Variants in TATDN3 observed in about 807,000 individuals in gnomAD.
The protein encoded by TATDN3 is deoxyribonuclease TATDN3.
In TATDN3, 29 loss-of-function variants were observed where a neutral mutation model predicts 40.1. The observed-to-expected ratio is 0.72, with a 90% CI of 0.54 to 0.99. The LOEUF (loss-of-function observed/expected upper bound fraction) is 0.99, where lower values mean the gene tolerates loss of function less well. TATDN3 is among the 50% of genes least tolerant of loss of function. The probability of loss-of-function intolerance (pLI) is 0.00; values close to 1 mark genes in which losing one functional copy is unlikely to be tolerated. For synonymous variants in TATDN3, 105 were observed against 117.0 expected, an observed-to-expected ratio of 0.90 and a Z score of 0.66; for missense variants, 309 against 321.9, an observed-to-expected ratio of 0.96 and a Z score of 0.31.
intron 4 of TATDN3, among the ~76,000 whole-genome samples, chr1:212,802,451 G>GT (rs1228738013): frequency 1.3e-4 from 20 of 152,198 alleles, no homozygotes; most frequent in African/African-American, 4.3e-4. Context: ...AGAAGGCCAT[G>GT]TTTAAGTGGC....
At chr1:212,804,561 T>C in intron 6 of TATDN3, 35 bp from the exon 7 acceptor site, 1 of 1,601,836 alleles carries the variant, frequency 6.2e-7, no homozygotes, top group African/African-American at 1.3e-5. Flanking sequence ...ACTTTCAGAA[T>C]GGTACTTAAA....
chr1:212,796,522 T>A lies in TATDN3; in HGVS notation c.105T>A (p.Asn35Lys). ...DDVLEKAKKA[N>K]VVALVAVAEH... ...ATTCTTTTTTTTTTTTTCAGGCCAA[T>A]GTTGTGGCCCTTGTGGCAGTTGCCG... Residue 35 changes from asparagine (N) to lysine (K), a missense_variant, in exon 3 of 10, where the codon AAT (asparagine) becomes AAA (lysine). By Grantham distance (94) the Asn-to-Lys change is moderately conservative. Transcript: ENST00000366974. The A allele has an allele frequency of 1.3e-6, 2 of 1,522,344 alleles. No homozygotes were observed. Among genetic ancestry groups the A allele is most frequent in the Non-Finnish European group, 1.8e-6 (2 of 1,140,032 alleles). 94.3% of individuals were successfully genotyped at this position (1,522,344 alleles called of 1,614,324 possible).
At chr1:212,807,580 CTT>C (rs1353568366) in intron 7 of TATDN3, among the ~76,000 whole-genome samples, 154 bp from the exon 8 acceptor site, 2 of 152,236 alleles carry the variant, frequency 1.3e-5, no homozygotes, top group East Asian at 3.9e-4. Flanking sequence ...TTATTCCACT[CTT>C]TGAACACCGT....
At position 212,807,790 on chromosome 1, in the gene TATDN3, A is replaced by G. The variant is rs766107661; in HGVS notation, c.542A>G (p.Glu181Gly). 6.2e-7 allele frequency: 1 copy of G among 1,613,802 alleles called. No homozygotes were observed. Among genetic ancestry groups the G allele is most frequent in the East Asian group, 2.2e-5 (1 of 44,868 alleles). The change falls in exon 8 of 10, where the codon GAA (glutamate) becomes GGA (glycine). Residue 181 changes from glutamate to glycine, a missense_variant. Transcript: ENST00000366974. ...GATGGTCGGCCATCTGTAGCCATGG[A>G]AGGAGTAAGAGCTGGGTACTTCTTC... ...AFDGRPSVAM[E>G]GVRAGYFFSI...
intron 3 of TATDN3, 84 bp downstream of exon 3, chr1:212,796,674 T>G: frequency 1.0e-6 from 1 of 980,666 alleles, no homozygotes; most frequent in Non-Finnish European, 1.5e-6. Context: ...AGATCCATTT[T>G]TAAAGAGAAT....
At chr1:212,814,853 C>G (rs1353469411) in intron 9 of TATDN3, among the ~76,000 whole-genome samples, 160 bp from the exon 10 acceptor site, 1 of 152,094 alleles carries the variant, frequency 6.6e-6, no homozygotes, top group Non-Finnish European at 1.5e-5. Flanking sequence ...AACATTGCAG[C>G]CACACCTCCC....
At chr1:212,796,380 CAAT>C in intron 2 of TATDN3, 134 bp from the exon 3 acceptor site, 1 of 570,006 alleles carries the variant, frequency 1.8e-6, no homozygotes, top group Non-Finnish European at 2.9e-6. Context: ...AGTAAATACT[CAAT>C]GATAGCCCTT....
chr1:212,815,438 C>A lies in TATDN3; in HGVS notation c.*282C>A. 1 of 279,776 alleles carries A rather than the reference C, an allele frequency of 3.6e-6. No individual in the cohort carries two copies. Among genetic ancestry groups the A allele is most frequent in the Non-Finnish European group, 6.7e-6 (1 of 149,040 alleles). 17.3% of individuals were successfully genotyped at this position (279,776 alleles called of 1,614,324 possible). A position where few individuals can be genotyped will look rare whatever the true frequency, so the allele number is the denominator to read the frequency against. On this transcript the variant is annotated 3_prime_UTR_variant, in exon 10 of 10. Transcript: ENST00000366974. ...TTGCCCTTTTATATAGAACCACCAC[C>A]TGAACTGAAACCATTGCTACTGGGA... is the stretch of plus-strand genomic sequence containing the variant.
In TATDN3 at chr1:212,804,428, G is replaced by C. The variant is rs766704270; in HGVS notation, c.430G>C (p.Val144Leu). The C allele has an allele frequency of 6.2e-7, 1 of 1,611,096 alleles. No homozygotes were observed. Among genetic ancestry groups the C allele is most frequent in the African/African-American group, 1.3e-5 (1 of 74,864 alleles). Reference protein sequence around the residue: ...IQLAKRLNLPVNVHSRSAGRP... With the variant: ...IQLAKRLNLPLNVHSRSAGRP... ...GTTAGCCAAAAGACTAAATTTGCCT[G>C]TGTAGGTTAATTATTTTCCTATGTT... Residue 144 changes from valine (V) to leucine (L), a missense_variant and splice_region_variant, in exon 6 of 10, where the codon GTA (valine) becomes CTA (leucine). Transcript: ENST00000366974.
chr1:212,812,007 G>A (rs1662915928), intron 8 of TATDN3, among the ~76,000 whole-genome samples: 1 of 151,636 alleles, frequency 6.6e-6, no homozygotes, highest in Non-Finnish European at 1.5e-5. Context: ...GGCAATTTTT[G>A]TATTTTTAGC....
chr1:212,798,132 C>T (rs1661906901), intron 4 of TATDN3, among the ~76,000 whole-genome samples: 1 of 152,048 alleles, frequency 6.6e-6, no homozygotes, highest in African/African-American at 2.4e-5. Flanking sequence ...TGAGACCTTC[C>T]TGGCTAACAT....
In TATDN3 at chr1:212,816,280, G is replaced by A. The variant is rs1405810073; in HGVS notation, c.*1124G>A. On this transcript the variant is annotated 3_prime_UTR_variant, in exon 10 of 10. Coordinates refer to ENST00000366974, the MANE Select transcript of TATDN3 (RefSeq NM_001042552.3). ...ACCTTTTAAGCCTGAGTTTGAGTCA[G>A]GCCTGGGCAACATAGATGTGAGCAC... 1 of 152,104 alleles carries A rather than the reference G, an allele frequency of 6.6e-6. No homozygotes were observed. Among genetic ancestry groups the A allele is most frequent in the East Asian group, 1.9e-4 (1 of 5,194 alleles). 9.4% of individuals were successfully genotyped at this position (152,104 alleles called of 1,614,324 possible). A position where few individuals can be genotyped will look rare whatever the true frequency, so the allele number is the denominator to read the frequency against.
chr1:212,804,058 G>A (rs1297580590), intron 5 of TATDN3, among the ~76,000 whole-genome samples: 1 of 151,836 alleles, frequency 6.6e-6, no homozygotes, highest in Non-Finnish European at 1.5e-5. Flanking sequence ...AAAAAAAAAG[G>A]AATATAAAAT....
intron 1 of TATDN3, among the ~76,000 whole-genome samples, chr1:212,792,473 C>CAA (rs571045425): frequency 0.055 from 6,612 of 120,310 alleles, 589 homozygotes; most frequent in African/African-American, 0.19. Flanking sequence ...CTCGTCCCTA[C>CAA]AAAAAAAAAA....
At chr1:212,794,813 G>T in intron 1 of TATDN3, 1 of 567,282 alleles carries the variant, frequency 1.8e-6, no homozygotes, top group Non-Finnish European at 3.3e-6. Context: ...AAGCAAGTGA[G>T]GGATTCCGAA....
chr1:212,802,054 A>G (rs1189369081), intron 4 of TATDN3, among the ~76,000 whole-genome samples: 5 of 152,336 alleles, frequency 3.3e-5, no homozygotes, highest in South Asian at 2.1e-4. Flanking sequence ...GCAATTTTCC[A>G]TATATTTATT....
chr1:212,800,229 A>G (rs1662085567), intron 4 of TATDN3, among the ~76,000 whole-genome samples: 1 of 152,216 alleles, frequency 6.6e-6, no homozygotes, highest in Non-Finnish European at 1.5e-5. Flanking sequence ...ACTGTGGTGA[A>G]CAAATGATGC....
intron 1 of TATDN3, 74 bp downstream of exon 1, chr1:212,792,061 C>G: frequency 6.7e-7 from 1 of 1,488,210 alleles, no homozygotes; most frequent in Middle Eastern, 1.7e-4. Context: ...TCTTTGCTCT[C>G]CTCCCTTGGG....
intron 7 of TATDN3, among the ~76,000 whole-genome samples, chr1:212,807,197 G>A (rs1487843528): frequency 6.7e-6 from 1 of 150,220 alleles, no homozygotes; most frequent in Non-Finnish European, 1.5e-5. Flanking sequence ...CGCCCACCTC[G>A]GCCTCCCAAA....
Sources: allele counts gnomAD v4.1 joint callset (sites outside exome capture counted in the v4.1 genomes callset), GRCh38; gene constraint gnomAD v4.1.1; transcripts MANE v1.5; gene names NCBI Gene and HGNC (gene_info 2026-07-23, HGNC 2026-07-21).